Variants in PAPSS1 observed in about 807,000 individuals in gnomAD.
PAPSS1 encodes bifunctional 3'-phosphoadenosine 5'-phosphosulfate synthase 1.
Under a neutral mutation model 72.0 loss-of-function variants are expected in PAPSS1, and 50 were observed. That is an observed-to-expected ratio of 0.69 (90% CI 0.55 to 0.88). The LOEUF (loss-of-function observed/expected upper bound fraction) is 0.88. Among genes scored for constraint, PAPSS1 ranks in the 40% least tolerant of loss-of-function variants. The probability of loss-of-function intolerance (pLI) is 0.00; values close to 1 mark genes in which losing one functional copy is unlikely to be tolerated. For synonymous variants in PAPSS1, 261 were observed against 263.6 expected (o/e 0.99, Z 0.09); for missense variants, 657 against 782.2 (o/e 0.84, Z 1.91).
chr4:107,693,184 A>G (rs1331899686), intron 3 of PAPSS1, among the ~76,000 whole-genome samples: 1 of 152,210 alleles, frequency 6.6e-6, no homozygotes, highest in Non-Finnish European at 1.5e-5. Context: ...ACCTAACCTA[A>G]GTCTCCATCT....
chr4:107,680,760 A>C (rs1727784182), intron 5 of PAPSS1, among the ~76,000 whole-genome samples: 3 of 152,216 alleles, frequency 2.0e-5, no homozygotes, highest in Non-Finnish European at 4.4e-5. Flanking sequence ...GGAGGAAGCT[A>C]CAAGTAGAAC....
At chr4:107,692,352 AAGAC>A (rs1722947946) in intron 3 of PAPSS1, among the ~76,000 whole-genome samples, 1 of 152,250 alleles carries the variant, frequency 6.6e-6, no homozygotes, top group Non-Finnish European at 1.5e-5. Context: ...TTCTCTTAAG[AAGAC>A]ATACATGCAG....
chr4:107,719,844 T>C lies in PAPSS1; in HGVS notation c.60+276A>G, dbSNP rs543147877. ...GAAGGATTTTCCTGGGGGTCTTACC[T>C]GAGCGGAGGCGCTGGGGAGGGGGGG... is the stretch of plus-strand genomic sequence containing the variant. On this transcript the variant is annotated intron_variant, in intron 1 of 11. Coordinates refer to ENST00000265174, the MANE Select transcript of PAPSS1 (RefSeq NM_005443.5). 7.2e-4 allele frequency: 957 copies of C among 1,328,446 alleles called. 2 individuals are homozygous for C. Among genetic ancestry groups the C allele is most frequent in the Non-Finnish European group, 8.7e-4 (911 of 1,043,994 alleles). 82.3% of individuals were successfully genotyped at this position (1,328,446 alleles called of 1,614,324 possible).
chr4:107,674,798 G>A (rs1727591472), intron 5 of PAPSS1, among the ~76,000 whole-genome samples: 1 of 151,982 alleles, frequency 6.6e-6, no homozygotes, highest in Non-Finnish European at 1.5e-5. Context: ...GCACTCCTCA[G>A]CAAATGTAAA....
At chr4:107,647,318 G>T (rs1179924597) in intron 9 of PAPSS1, among the ~76,000 whole-genome samples, 5 of 152,224 alleles carry the variant, frequency 3.3e-5, no homozygotes, top group Admixed American at 6.5e-5. Flanking sequence ...GACAGAGTGA[G>T]GGAAGGAAAG....
rs575624841 is a variant in PAPSS1 at position 107,638,038 on chromosome 4, A to G, written c.1507-6178T>C. Among the ~76,000 whole-genome samples, 25 of 152,338 alleles carry G rather than the reference A, an allele frequency of 1.6e-4. No homozygotes were observed. In the East Asian group the frequency reaches 1.9e-3, roughly 12 times the overall value. On this transcript the variant is annotated intron_variant, in intron 10 of 11. Transcript: ENST00000265174. The stretch of plus-strand genomic sequence containing the variant: ...TCAAGCTGACTGGAACAATCTACAC[A>G]GGCAAGTGAAAGGTGAGGCTCATCC...
At chr4:107,649,851 A>G (rs774431450) in intron 9 of PAPSS1, among the ~76,000 whole-genome samples, 1 of 152,390 alleles carries the variant, frequency 6.6e-6, no homozygotes, top group African/African-American at 2.4e-5. Context: ...TTCTATGTTT[A>G]ATAAACACTA....
chr4:107,631,981 A>G (rs1466314713), intron 10 of PAPSS1, 121 bp from the exon 11 acceptor site: 2 of 681,936 alleles, frequency 2.9e-6, no homozygotes, highest in African/African-American at 3.6e-5. Flanking sequence ...ATCTCAACAA[A>G]TTTAGATGTA....
chr4:107,685,051 G>A (rs562196985), intron 4 of PAPSS1, among the ~76,000 whole-genome samples: 21 of 152,180 alleles, frequency 1.4e-4, no homozygotes, highest in South Asian at 4.2e-4. Context: ...GACTACAGGC[G>A]CCCGCCACCA....
intron 11 of PAPSS1, among the ~76,000 whole-genome samples, chr4:107,620,800 T>C (rs1355779112): frequency 2.0e-5 from 3 of 152,198 alleles, no homozygotes; most frequent in Non-Finnish European, 4.4e-5. Context: ...ATTGAGTTGA[T>C]AGTTTTATAA....
chr4:107,670,313 G>A (rs1374277982), intron 5 of PAPSS1, among the ~76,000 whole-genome samples: 1 of 152,124 alleles, frequency 6.6e-6, no homozygotes, highest in Non-Finnish European at 1.5e-5. Context: ...ATACAAGGAA[G>A]AGCAATTAGC....
intron 2 of PAPSS1, among the ~76,000 whole-genome samples, chr4:107,696,754 AG>A (rs1723074806): frequency 6.6e-6 from 1 of 152,102 alleles, no homozygotes; most frequent in African/African-American, 2.4e-5. Context: ...TAAAAAAAAA[AG>A]AAGAGGAGGA....
intron 5 of PAPSS1, among the ~76,000 whole-genome samples, chr4:107,661,061 T>C (rs908543315): frequency 6.6e-6 from 1 of 152,030 alleles, no homozygotes; most frequent in Non-Finnish European, 1.5e-5. Context: ...TGAATAGACA[T>C]CTCATCAAAG....
At chr4:107,667,228 C>T (rs898189330) in intron 5 of PAPSS1, among the ~76,000 whole-genome samples, 4 of 152,094 alleles carry the variant, frequency 2.6e-5, no homozygotes, top group African/African-American at 9.7e-5. Flanking sequence ...CACGGAGGTA[C>T]TGGGGGCTGG....
intron 9 of PAPSS1, among the ~76,000 whole-genome samples, chr4:107,646,169 T>C (rs1026055460): frequency 6.6e-6 from 1 of 152,062 alleles, no homozygotes; most frequent in Admixed American, 6.6e-5. Context: ...TTATTTTGCT[T>C]TGGGATGGGA....
At chr4:107,685,001 G>A (rs1422180707) in intron 4 of PAPSS1, among the ~76,000 whole-genome samples, 1 of 152,072 alleles carries the variant, frequency 6.6e-6, no homozygotes, top group Non-Finnish European at 1.5e-5. Context: ...TGCCTCCTGT[G>A]TTCACGCCAT....
At chr4:107,709,536 A>G (rs9884812) in intron 1 of PAPSS1, among the ~76,000 whole-genome samples, 6,732 of 152,246 alleles carry the variant, frequency 0.044, 492 homozygotes, top group African/African-American at 0.15. Context: ...GTAAACATAA[A>G]TGATTACCAG....
At chr4:107,696,463 T>C (rs1318168233) in intron 2 of PAPSS1, among the ~76,000 whole-genome samples, 1 of 151,938 alleles carries the variant, frequency 6.6e-6, no homozygotes, top group African/African-American at 2.4e-5. Flanking sequence ...CTCGGCAAAC[T>C]AACACAGGAA....
At chr4:107,632,483 A>G (rs1726249934) in intron 10 of PAPSS1, among the ~76,000 whole-genome samples, 1 of 151,832 alleles carries the variant, frequency 6.6e-6, no homozygotes, top group Admixed American at 6.6e-5. Flanking sequence ...ATATATAACT[A>G]ATCTTATAAC....
Sources: gnomAD v4.1 joint callset for allele counts (sites outside exome capture counted in the v4.1 genomes callset) on GRCh38, gnomAD v4.1.1 for gene constraint, MANE v1.5 for transcripts, NCBI Gene and HGNC (gene_info 2026-07-23, HGNC 2026-07-21) for gene names.